Variants in C1orf141 observed in about 807,000 individuals in gnomAD.
C1orf141 encodes chromosome 1 open reading frame 141.
Under a neutral mutation model 23.2 loss-of-function variants are expected in C1orf141, and 19 were observed. The ratio of observed to expected loss-of-function variants is 0.82; its 90% CI spans 0.57 to 1.20. The LOEUF is 1.20. Among genes scored for constraint, C1orf141 ranks in the 50% most tolerant of loss-of-function variants. The pLI is 0.00. For missense variants in C1orf141, 469 were observed against 455.1 expected, an observed-to-expected ratio of 1.03 and a Z score of -0.28; for synonymous variants, 153 against 154.6, an observed-to-expected ratio of 0.99 and a Z score of 0.08.
At chr1:67,118,730 T>C (rs527301242) in intron 4 of C1orf141, among the ~76,000 whole-genome samples, 26 of 152,270 alleles carry the variant, frequency 1.7e-4, no homozygotes, top group African/African-American at 6.0e-4. Flanking sequence ...TTTGTGTTCT[T>C]CTAAGAAGAG....
chr1:67,129,329 A>G (rs1646476725), intron 2 of C1orf141, among the ~76,000 whole-genome samples: 1 of 151,966 alleles, frequency 6.6e-6, no homozygotes, highest in Admixed American at 6.6e-5. Flanking sequence ...AGTAGCATGC[A>G]TCTATAGTCC....
chr1:67,107,540 T>C (rs911030838), intron 5 of C1orf141, among the ~76,000 whole-genome samples: 5 of 152,180 alleles, frequency 3.3e-5, no homozygotes, highest in African/African-American at 4.8e-5. Context: ...GAAAAATATA[T>C]GCTATGTAAA....
intron 4 of C1orf141, among the ~76,000 whole-genome samples, chr1:67,124,639 C>T (rs116114611): frequency 0.022 from 3,376 of 152,146 alleles, 123 homozygotes; most frequent in African/African-American, 0.077. Flanking sequence ...ATAGTGCTCA[C>T]GTGGGCTGCC....
intron 4 of C1orf141, chr1:67,123,459 T>C (rs1043523202): frequency 4.6e-5 from 7 of 152,176 alleles, no homozygotes; most frequent in African/African-American, 1.7e-4. Flanking sequence ...TCTCTTGTCA[T>C]ATTTTTTGAA....
intron 5 of C1orf141, among the ~76,000 whole-genome samples, chr1:67,107,480 T>C (rs1016487467): frequency 1.3e-5 from 2 of 152,146 alleles, no homozygotes; most frequent in Non-Finnish European, 2.9e-5. Flanking sequence ...CTCAAGTATA[T>C]GCTGTATATA....
At chr1:67,121,311 A>C (rs1379131297) in intron 4 of C1orf141, among the ~76,000 whole-genome samples, 1 of 152,208 alleles carries the variant, frequency 6.6e-6, no homozygotes, top group Non-Finnish European at 1.5e-5. Context: ...GGTAAGGCAT[A>C]CTTTTTTTGG....
At chr1:67,111,598 A>C (rs1323153073) in intron 5 of C1orf141, 1 of 1,362,874 alleles carries the variant, frequency 7.3e-7, no homozygotes, top group Non-Finnish European at 9.8e-7. Context: ...CCTTAAGATA[A>C]AGATAGGGTC....
chr1:67,132,386 G>A (rs191298339), intron 1 of C1orf141, among the ~76,000 whole-genome samples: 3 of 152,254 alleles, frequency 2.0e-5, no homozygotes, highest in Non-Finnish European at 4.4e-5. Context: ...AGCTGGTCAT[G>A]GTGGCGCACG....
upstream of C1orf141, among the ~76,000 whole-genome samples, chr1:67,139,932 A>T (rs1646620291): frequency 6.6e-6 from 1 of 152,142 alleles, no homozygotes; most frequent in African/African-American, 2.4e-5. Flanking sequence ...ATGGATTATC[A>T]TGGGAGTGGG....
rs1570667596 is a variant in C1orf141 at position 67,092,844 on chromosome 1, G to T, written c.*161C>A. ...CTACTATTTTCTAAAAATGTTGATT[G>T]TTCTTGAACAGACCACTGCTGACTT... On this transcript the variant is annotated 3_prime_UTR_variant, in exon 8 of 8. Transcript: ENST00000684719. 3.7e-6 allele frequency: 2 copies of T among 537,994 alleles called. No individual in the cohort carries two copies. The highest frequency in any genetic ancestry group is 6.7e-5 in the East Asian group (2 of 30,028). The allele number at this position is 537,994 out of a possible 1,614,324, so 33.3% of individuals were successfully genotyped here. A position where few individuals can be genotyped will look rare whatever the true frequency, so the allele number is the denominator to read the frequency against.
intron 4 of C1orf141, chr1:67,123,677 C>A (rs1179168951): frequency 2.0e-5 from 3 of 152,086 alleles, no homozygotes; most frequent in Non-Finnish European, 4.4e-5. Flanking sequence ...AAGGAGGATC[C>A]AAGTATCAGT....
chr1:67,099,104 T>G (rs571132477), intron 5 of C1orf141, among the ~76,000 whole-genome samples: 29 of 152,146 alleles, frequency 1.9e-4, no homozygotes, highest in Non-Finnish European at 4.0e-4. Flanking sequence ...TTCTAACTGA[T>G]AGAAGTGTAT....
chr1:67,098,298 A>T (rs2102419664), intron 5 of C1orf141, among the ~76,000 whole-genome samples: 1 of 152,308 alleles, frequency 6.6e-6, no homozygotes, highest in African/African-American at 2.4e-5. Context: ...AGGTGGGTGG[A>T]TCACTTGAGG....
rs376290586 is a variant in C1orf141, at chr1:67,112,932, C to A, written c.346+2420G>T. Among the ~76,000 whole-genome samples, 16 of 152,166 alleles carry A rather than the reference C, an allele frequency of 1.1e-4. No individual in the cohort carries two copies. The East Asian group carries it at 2.7e-3, about 26-fold the overall frequency. On this transcript the variant is annotated intron_variant, in intron 5 of 7. Transcript: ENST00000684719. ...TAGGCAGAGGGGAAAATATATATTCCTTTCAGGCAATCTGGTAGTTGTACT... is the reference window on the plus strand; with the variant it reads ...TAGGCAGAGGGGAAAATATATATTCATTTCAGGCAATCTGGTAGTTGTACT...
rs10688535 is a variant in C1orf141, at chr1:67,101,449, A to AGTGTGTGTGTGTGTGT, written c.347-5144_347-5129dup. Reference sequence around the variant, plus strand: ...TCCATTTCTTTATGTTGAATGTAAGAGTGTGTGTGTGTGTGTGTGTGTGTG... The same window carrying AGTGTGTGTGTGTGTGT: ...TCCATTTCTTTATGTTGAATGTAAGAGTGTGTGTGTGTGTGTGTGTGTGTGTGTGTGTGTGTGTGTG... On this transcript the variant is annotated intron_variant, in intron 5 of 7. Coordinates refer to ENST00000684719, the MANE Select transcript of C1orf141 (RefSeq NM_001276351.2). 1.2e-3 allele frequency among the ~76,000 whole-genome samples: 169 copies of AGTGTGTGTGTGTGTGT among 135,374 alleles called. 2 individuals are homozygous for AGTGTGTGTGTGTGTGT. The highest frequency in any genetic ancestry group is 2.8e-3 in the African/African-American group (101 of 36,014). 88.8% of individuals were successfully genotyped at this position (135,374 alleles called of 152,430 possible).
intron 5 of C1orf141, among the ~76,000 whole-genome samples, chr1:67,108,385 A>T (rs1645983176): frequency 6.6e-6 from 1 of 152,192 alleles, no homozygotes; most frequent in Non-Finnish European, 1.5e-5. Context: ...GCTCTGCCCC[A>T]TGACCTAATC....
At chr1:67,118,880 T>G (rs1646248683) in intron 4 of C1orf141, among the ~76,000 whole-genome samples, 1 of 152,200 alleles carries the variant, frequency 6.6e-6, no homozygotes, top group African/African-American at 2.4e-5. Flanking sequence ...AACTTTGATC[T>G]TGGACTTCCT....
rs774540884 is a variant in C1orf141 at position 67,095,315 on chromosome 1, AC to A, written c.522del (p.Leu175CysfsTer7). Reference sequence around the variant, plus strand: ...TTTTTCAATTCATCCTCAAAGCACAACGGGAGCAAGCTTTTCTTTCTTACTG... The same window carrying A: ...TTTTTCAATTCATCCTCAAAGCACAAGGGAGCAAGCTTTTCTTTCTTACTG... Reference protein sequence around the residue: ...YRSVRKKSLLPLCFEDELKNP... With the variant: ...YRSVRKKSLLXLCFEDELKNP... On this transcript the variant is annotated frameshift_variant, in exon 7 of 8. Coordinates refer to ENST00000684719, the MANE Select transcript of C1orf141 (RefSeq NM_001276351.2). LOFTEE classifies it high-confidence loss of function. The A allele has an allele frequency of 6.2e-7, 1 of 1,607,156 alleles. No individual in the cohort carries two copies. The highest frequency in any genetic ancestry group is 1.1e-5 in the South Asian group (1 of 90,452).
At chr1:67,096,457 C>T (rs1645683912) in intron 5 of C1orf141, 136 bp from the exon 6 acceptor site, 1 of 535,244 alleles carries the variant, frequency 1.9e-6, no homozygotes, top group African/African-American at 2.0e-5. Context: ...TAGTAGCTAC[C>T]CAGTAAATAT....
Sources: gnomAD v4.1 joint callset for allele counts (sites outside exome capture counted in the v4.1 genomes callset) on GRCh38, gnomAD v4.1.1 for gene constraint, MANE v1.5 for transcripts, NCBI Gene and HGNC (gene_info 2026-07-23, HGNC 2026-07-21) for gene names.